CACNA1B: variants seen among roughly 807,000 people sequenced by gnomAD.
The protein encoded by CACNA1B is voltage-dependent N-type calcium channel subunit alpha-1B.
A neutral mutation model predicts 247.2 loss-of-function variants in CACNA1B; 70 were observed. The observed-to-expected ratio is 0.28, with a 90% CI of 0.23 to 0.35. The LOEUF is 0.35. Among genes scored for constraint, CACNA1B ranks in the 10% least tolerant of loss-of-function variants. The pLI is 1.00. For synonymous variants in CACNA1B, 1,231 were observed against 1,294.4 expected, an observed-to-expected ratio of 0.95 and a Z score of 1.05; for missense variants, 2,367 against 3,197.4, an observed-to-expected ratio of 0.74 and a Z score of 6.26.
chr9:137,918,045 A>G lies in CACNA1B; in HGVS notation c.966+614A>G, dbSNP rs549800235. On this transcript the variant is annotated intron_variant, in intron 6 of 46. Transcript: ENST00000371372. ...CAAGACCTTCCTCGGTCACGCAGGGATTCTTAGAGTGGAGCCTGTGGCTTG... is the reference window on the plus strand; with the variant it reads ...CAAGACCTTCCTCGGTCACGCAGGGGTTCTTAGAGTGGAGCCTGTGGCTTG... Among the ~76,000 whole-genome samples the G allele has an allele frequency of 7.2e-5, 11 of 152,258 alleles. No individual in the cohort carries two copies. In the East Asian group the frequency reaches 1.9e-3, roughly 27 times the overall value.
Position 138,073,928 on chromosome 9 carries a change from C to T in CACNA1B, c.4792-73C>T, listed in dbSNP as rs1960221558. 2 of 1,265,168 alleles carry T rather than the reference C, an allele frequency of 1.6e-6. No homozygotes were observed. The highest frequency in any genetic ancestry group is 3.4e-5 in the Admixed American group (2 of 59,482). 78.4% of individuals were successfully genotyped at this position (1,265,168 alleles called of 1,614,324 possible). On this transcript the variant is annotated intron_variant, in intron 33 of 46. Transcript: ENST00000371372. This position sits in a 1 kb window ranked among gnomAD's most constrained non-coding sequence, Gnocchi z 6.4. ...TGAGGTCTGTGTGACCTCAAAGGCC[C>T]AGCCACCGTAGCAGGAGGCCTGGGC...
At chr9:137,994,471 G>A (rs1436344731) in intron 15 of CACNA1B, among the ~76,000 whole-genome samples, 2 of 152,186 alleles carry the variant, frequency 1.3e-5, no homozygotes, top group African/African-American at 4.8e-5. Context: ...TTTCCAAAAA[G>A]CTCCTAGAAC....
intron 20 of CACNA1B, among the ~76,000 whole-genome samples, chr9:138,033,019 A>G (rs1959003849): frequency 6.6e-6 from 1 of 152,138 alleles, no homozygotes; most frequent in African/African-American, 2.4e-5. Flanking sequence ...TGACATGAAT[A>G]TTAGATCTTT....
At chr9:137,896,754 G>T (rs1957177978) in intron 3 of CACNA1B, among the ~76,000 whole-genome samples, 1 of 152,220 alleles carries the variant, frequency 6.6e-6, no homozygotes, top group African/African-American at 2.4e-5. Context: ...TGGCCCTGGA[G>T]ATTTCCTTTT....
At position 137,919,768 on chromosome 9, in the gene CACNA1B, A is replaced by G. The variant is rs1341246674; in HGVS notation, c.966+2337A>G. On this transcript the variant is annotated intron_variant, in intron 6 of 46. Coordinates refer to ENST00000371372, the MANE Select transcript of CACNA1B (RefSeq NM_000718.4). The surrounding 1 kb of genome is among the most constrained non-coding windows in gnomAD (Gnocchi z 4.6). ...GGGAGCAGGAGTGGGGGTGTGAGCA[A>G]CAGCGGGCAGCCAGGACCGGGTGAG... 2.0e-5 allele frequency among the ~76,000 whole-genome samples: 3 copies of G among 152,328 alleles called. No homozygotes were observed. Among genetic ancestry groups the G allele is most frequent in the Non-Finnish European group, 4.4e-5 (3 of 68,026 alleles).
chr9:138,029,688 G>A (rs1341511224), intron 20 of CACNA1B, among the ~76,000 whole-genome samples: 2 of 146,866 alleles, frequency 1.4e-5, no homozygotes, highest in South Asian at 4.3e-4. Context: ...TCGGCTCACT[G>A]CAACCACCAT....
chr9:138,105,113 C>T (rs1340015843), intron 38 of CACNA1B, among the ~76,000 whole-genome samples: 1 of 152,240 alleles, frequency 6.6e-6, no homozygotes, highest in East Asian at 1.9e-4. Flanking sequence ...ATGGGCTCTG[C>T]CTTTTAGTGA....
chr9:137,929,471 C>G (rs1257620668), intron 6 of CACNA1B, among the ~76,000 whole-genome samples: 1 of 152,170 alleles, frequency 6.6e-6, no homozygotes, highest in East Asian at 1.9e-4. Flanking sequence ...GGGAGGATCA[C>G]TTGAGCCCAG....
intron 34 of CACNA1B, among the ~76,000 whole-genome samples, chr9:138,074,364 C>T (rs534961841): frequency 6.9e-4 from 105 of 152,168 alleles, no homozygotes; most frequent in Admixed American, 2.6e-3. Flanking sequence ...CTTCAGCCTC[C>T]CAAGTAGCTG....
chr9:138,118,141 A>T (rs1227212184), intron 43 of CACNA1B, 60 bp downstream of exon 43: 7 of 181,450 alleles, frequency 3.9e-5, no homozygotes, highest in East Asian at 2.0e-4. Flanking sequence ...GGGATGGGGG[A>T]TGTTTGAGAC....
rs1241695680 is a variant in CACNA1B, at chr9:137,952,360, G to T, written c.1053G>T (p.Val351=). 2.5e-6 allele frequency: 4 copies of T among 1,613,770 alleles called. No individual in the cohort carries two copies. The South Asian group carries it at 4.4e-5, about 18-fold the overall frequency. ...GCTCCTTCTTCATGCTCAACCTGGT[G>T]CTGGGCGTGCTCTCGGGGTGAGAGA... ...IIGSFFMLNL[V]LGVLSGEFAK... is the part of the protein sequence containing the mutation. The change falls in exon 7 of 47, where the codon GTG becomes GTT. Residue 351 remains valine, a synonymous_variant. Transcript: ENST00000371372. This position sits in a 1 kb window ranked among gnomAD's most constrained non-coding sequence, Gnocchi z 4.8.
intron 3 of CACNA1B, among the ~76,000 whole-genome samples, chr9:137,911,438 C>T (rs931118151): frequency 6.6e-6 from 1 of 151,978 alleles, no homozygotes. Flanking sequence ...TTATTCGAGT[C>T]GGAGTCTCGC....
Position 138,107,217 on chromosome 9 carries a change from A to ATTTT in CACNA1B, c.5428+1411_5428+1414dup, listed in dbSNP as rs202227528. On this transcript the variant is annotated intron_variant, in intron 39 of 46. Transcript: ENST00000371372. ...AAGCCGAAACCTTAGAAATCATCTT[A>ATTTT]TTTTATTTATTTATTTATTTATTTA... 7.4e-4 allele frequency among the ~76,000 whole-genome samples: 93 copies of ATTTT among 124,956 alleles called. 1 individual carries two copies. The highest frequency in any genetic ancestry group is 2.0e-3 in the African/African-American group (71 of 35,994). 82.0% of individuals were successfully genotyped at this position (124,956 alleles called of 152,430 possible). A position where few individuals can be genotyped will look rare whatever the true frequency, so the allele number is the denominator to read the frequency against.
chr9:138,105,834 G>C (rs1043526675), intron 39 of CACNA1B, 27 bp downstream of exon 39: 1 of 1,291,640 alleles, frequency 7.7e-7, no homozygotes, highest in African/African-American at 1.5e-5. Flanking sequence ...CGGAAGGAGG[G>C]CCCTGGACCC....
chr9:138,001,157 A>T (rs542108292), intron 15 of CACNA1B, among the ~76,000 whole-genome samples: 1 of 152,342 alleles, frequency 6.6e-6, no homozygotes, highest in Admixed American at 6.5e-5. Context: ...TTGTCAGTAT[A>T]ATTCCTAATC....
rs747225095 is a variant in CACNA1B at position 138,072,423 on chromosome 9, G to A, written c.4675-1065G>A. 1.3e-5 allele frequency among the ~76,000 whole-genome samples: 2 copies of A among 152,192 alleles called. No homozygotes were observed. Among genetic ancestry groups the A allele is most frequent in the East Asian group, 1.9e-4 (1 of 5,194 alleles). ...CGGGATGCTCTGCCAGGCCCTCACC[G>A]CCTCTGCGCCTGCACGTGCTCCTGC... On this transcript the variant is annotated intron_variant, in intron 32 of 46. Coordinates refer to ENST00000371372, the MANE Select transcript of CACNA1B (RefSeq NM_000718.4). The surrounding 1 kb of genome is among the most constrained non-coding windows in gnomAD (Gnocchi z 4.5).
In CACNA1B at chr9:138,057,241, T is replaced by C. The variant is rs1202992912; in HGVS notation, c.3969-491T>C. Among the ~76,000 whole-genome samples, 1 of 152,182 alleles carries C rather than the reference T, an allele frequency of 6.6e-6. No homozygotes were observed. The highest frequency in any genetic ancestry group is 6.5e-5 in the Admixed American group (1 of 15,272). ...CGTGAGCCACCGCGCCCGGCCTTTT[T>C]TATTTATTAGAATAGTTATTTACAT... is the stretch of plus-strand genomic sequence containing the variant. On this transcript the variant is annotated intron_variant, in intron 26 of 46. Transcript: ENST00000371372. The surrounding 1 kb of genome is among the most constrained non-coding windows in gnomAD (Gnocchi z 4.0).
chr9:137,897,845 A>T (rs1005224709), intron 3 of CACNA1B, among the ~76,000 whole-genome samples: 1 of 151,882 alleles, frequency 6.6e-6, no homozygotes, highest in Non-Finnish European at 1.5e-5. Context: ...ATGGCCAGCT[A>T]ATTTTTGTAT....
chr9:137,905,016 A>T (rs1390926032), intron 3 of CACNA1B, among the ~76,000 whole-genome samples: 2 of 152,172 alleles, frequency 1.3e-5, no homozygotes, highest in Admixed American at 6.5e-5. Flanking sequence ...CTAAATGTCA[A>T]CATTCAATTT....
Sources: gnomAD v4.1 joint callset for allele counts (sites outside exome capture counted in the v4.1 genomes callset) on GRCh38, gnomAD v4.1.1 for gene constraint, Gnocchi (gnomAD v3.1) non-coding constraint, MANE v1.5 for transcripts, NCBI Gene and HGNC (gene_info 2026-07-23, HGNC 2026-07-21) for gene names.